Variants in CHCHD6 observed in about 807,000 individuals in gnomAD.
CHCHD6 encodes MICOS complex subunit MIC25.
In CHCHD6, 28 loss-of-function variants were observed where a neutral mutation model predicts 32.3. That is an observed-to-expected ratio of 0.87 (90% CI 0.64 to 1.19). The LOEUF (loss-of-function observed/expected upper bound fraction) is 1.19. CHCHD6 is among the 50% of genes most tolerant of loss of function. The pLI, the probability that CHCHD6 is intolerant of heterozygous loss-of-function variation, is 0.00. For synonymous variants in CHCHD6, 122 were observed against 117.5 expected, an observed-to-expected ratio of 1.04 and a Z score of -0.25; for missense variants, 333 against 307.0, an observed-to-expected ratio of 1.08 and a Z score of -0.63.
At chr3:126,727,261 C>G (rs1935578899) in intron 2 of CHCHD6, 75 bp downstream of exon 2, 1 of 1,037,772 alleles carries the variant, frequency 9.6e-7, no homozygotes, top group Non-Finnish European at 1.5e-6. Flanking sequence ...CCGAGCCCAC[C>G]TGATGGCGCA....
intron 5 of CHCHD6, among the ~76,000 whole-genome samples, chr3:126,913,931 C>T (rs779664894): frequency 1.3e-5 from 2 of 152,246 alleles, no homozygotes; most frequent in African/African-American, 2.4e-5. Flanking sequence ...GGCTTAGACC[C>T]AGCTGTGTTT....
intron 6 of CHCHD6, among the ~76,000 whole-genome samples, chr3:126,935,456 A>G (rs894920909): frequency 1.3e-5 from 2 of 152,238 alleles, no homozygotes; most frequent in Non-Finnish European, 2.9e-5. Context: ...CTGATGTTCC[A>G]TAGACAAGGA....
At chr3:126,819,017 G>T (rs1167556558) in intron 4 of CHCHD6, among the ~76,000 whole-genome samples, 1 of 152,192 alleles carries the variant, frequency 6.6e-6, no homozygotes, top group Non-Finnish European at 1.5e-5. Context: ...AGCCCCTGTT[G>T]TATCTTATAG....
At chr3:126,922,606 G>A (rs989952165) in intron 6 of CHCHD6, among the ~76,000 whole-genome samples, 3 of 147,808 alleles carry the variant, frequency 2.0e-5, no homozygotes, top group Non-Finnish European at 4.5e-5. Context: ...GCCCTTCCCT[G>A]AATTTCAGCC....
chr3:126,802,693 A>C lies in CHCHD6; in HGVS notation c.412-49954A>C, dbSNP rs573107080. ...AATCTAGCCATGCAGGCCAACATTC[A>C]AATTCAGGAAATACAGAGAACACCA... On this transcript the variant is annotated intron_variant, in intron 4 of 7. Transcript: ENST00000290913. 1.6e-4 allele frequency among the ~76,000 whole-genome samples: 24 copies of C among 152,348 alleles called. No individual in the cohort carries two copies. In the South Asian group the frequency reaches 4.8e-3, roughly 30 times the overall value.
intron 6 of CHCHD6, among the ~76,000 whole-genome samples, chr3:126,940,777 C>G (rs2078548643): frequency 1.3e-5 from 2 of 152,188 alleles, no homozygotes; most frequent in Admixed American, 6.5e-5. Flanking sequence ...AATACCCTCA[C>G]TTTTAAAACT....
At chr3:126,949,266 A>T (rs897587233) in intron 6 of CHCHD6, 5 of 158,654 alleles carry the variant, frequency 3.2e-5, no homozygotes, top group Admixed American at 6.4e-5. Flanking sequence ...AGGCACAAAC[A>T]GGCAACACTT....
At chr3:126,941,102 G>T (rs1022891816) in intron 6 of CHCHD6, among the ~76,000 whole-genome samples, 3 of 152,148 alleles carry the variant, frequency 2.0e-5, no homozygotes, top group African/African-American at 7.2e-5. Flanking sequence ...CCCAGTGAAG[G>T]TCTATAATCG....
At chr3:126,823,460 A>G (rs1276207030) in intron 4 of CHCHD6, among the ~76,000 whole-genome samples, 2 of 152,060 alleles carry the variant, frequency 1.3e-5, no homozygotes, top group African/African-American at 4.8e-5. Context: ...TTTTTGTTAT[A>G]TTTATTCCTA....
intron 4 of CHCHD6, among the ~76,000 whole-genome samples, chr3:126,824,559 T>TAAAAAAA (rs1940299470): frequency 1.9e-3 from 2 of 1,058 alleles, no homozygotes; most frequent in African/African-American, 2.8e-3. Context: ...AGACTCTGTC[T>TAAAAAAA]CAAAAAAAAA....
chr3:126,905,971 G>A (rs766789142), intron 5 of CHCHD6, among the ~76,000 whole-genome samples: 7 of 152,156 alleles, frequency 4.6e-5, no homozygotes, highest in Non-Finnish European at 1.0e-4. Context: ...ATGACTGGCA[G>A]AGGGAAAGAG....
intron 5 of CHCHD6, chr3:126,854,740 T>G (rs570826379): frequency 1.6e-4 from 24 of 152,636 alleles, no homozygotes; most frequent in African/African-American, 5.8e-4. Context: ...AAAACCTGTT[T>G]CGGGGAAAGT....
At chr3:126,939,337 A>C (rs1367781496) in intron 6 of CHCHD6, among the ~76,000 whole-genome samples, 2 of 152,254 alleles carry the variant, frequency 1.3e-5, no homozygotes, top group East Asian at 3.8e-4. Context: ...TAGCTCTGGA[A>C]GTAGTGAATT....
At chr3:126,919,322 T>C (rs2078213114) in intron 6 of CHCHD6, among the ~76,000 whole-genome samples, 1 of 149,066 alleles carries the variant, frequency 6.7e-6, no homozygotes, top group Admixed American at 6.6e-5. Flanking sequence ...TTTTTCTTTT[T>C]TTTTTTTTTT....
chr3:126,932,904 G>A (rs2078427083), intron 6 of CHCHD6, among the ~76,000 whole-genome samples: 1 of 152,216 alleles, frequency 6.6e-6, no homozygotes, highest in East Asian at 1.9e-4. Context: ...GCTGGGCTGA[G>A]GGTCCTAGGT....
chr3:126,948,116 C>G (rs948962431), intron 6 of CHCHD6, among the ~76,000 whole-genome samples: 3 of 152,210 alleles, frequency 2.0e-5, no homozygotes, highest in Non-Finnish European at 2.9e-5. Context: ...CTGCCCATCC[C>G]CGCTCCCCAC....
At chr3:126,951,673 C>G (rs138779388) in intron 6 of CHCHD6, among the ~76,000 whole-genome samples, 1 of 152,222 alleles carries the variant, frequency 6.6e-6, no homozygotes, top group Non-Finnish European at 1.5e-5. Flanking sequence ...AGGGGCCAGT[C>G]GGCCACCAGA....
In CHCHD6 at chr3:126,928,226, G is replaced by A. The variant is rs1419693576; in HGVS notation, c.566+13476G>A. On this transcript the variant is annotated intron_variant, in intron 6 of 7. Coordinates refer to ENST00000290913, the MANE Select transcript of CHCHD6 (RefSeq NM_032343.3). ...TTCTTATTGGACCAGGGTGGATGTT[G>A]CAGAAAGACTGATTTCTTCTGCGGC... 2.6e-5 allele frequency among the ~76,000 whole-genome samples: 4 copies of A among 152,244 alleles called. No homozygotes were observed. The East Asian group carries it at 7.7e-4, about 29-fold the overall frequency.
chr3:126,858,377 G>T (rs748340640), intron 5 of CHCHD6, among the ~76,000 whole-genome samples: 8 of 152,102 alleles, frequency 5.3e-5, no homozygotes, highest in Non-Finnish European at 1.0e-4. Context: ...CAGTTGCTGA[G>T]AGTTCATCTG....
Sources: allele counts gnomAD v4.1 joint callset (sites outside exome capture counted in the v4.1 genomes callset), GRCh38; gene constraint gnomAD v4.1.1; transcripts MANE v1.5; gene names NCBI Gene and HGNC (gene_info 2026-07-23, HGNC 2026-07-21).